Variants in SAMD9L observed in about 807,000 individuals in gnomAD.
The protein encoded by SAMD9L is sterile alpha motif domain containing 9 like.
SAMD9L carries 68 observed loss-of-function variants against 90.7 expected under a neutral mutation model. The observed-to-expected ratio is 0.75, with a 90% CI of 0.62 to 0.92. The LOEUF (loss-of-function observed/expected upper bound fraction) is 0.92, where lower values mean the gene tolerates loss of function less well. Among genes scored for constraint, SAMD9L ranks in the 40% least tolerant of loss-of-function variants. The pLI is 0.00. For synonymous variants in SAMD9L, 640 were observed against 630.1 expected (o/e 1.02, Z -0.23); for missense variants, 1,604 against 1,824.3 (o/e 0.88, Z 2.20).
Position 93,135,795 on chromosome 7 carries a change from C to G in SAMD9L, c.177G>C (p.Gly59=). 6.2e-7 allele frequency: 1 copy of G among 1,613,968 alleles called. No individual in the cohort carries two copies. Among genetic ancestry groups the G allele is most frequent in the Non-Finnish European group, 8.5e-7 (1 of 1,179,932 alleles). ...ELTEKDLVEM[G]LPWGPALLIK... is the part of the protein sequence containing the mutation. ...TCAAAAGTGCTGGACCCCATGGTAG[C>G]CCCATTTCTACAAGGTCCTTCTCAG... Residue 59 remains glycine, a synonymous_variant, in exon 5 of 5, where the codon GGG becomes GGC. Transcript: ENST00000318238.
chr7:93,131,174 A>C lies in SAMD9L; in HGVS notation c.*43T>G. The C allele has an allele frequency of 1.8e-6, 2 of 1,129,910 alleles. No individual in the cohort carries two copies. The highest frequency in any genetic ancestry group is 2.5e-6 in the Non-Finnish European group (2 of 802,784). 70.0% of individuals were successfully genotyped at this position (1,129,910 alleles called of 1,614,324 possible). A position where few individuals can be genotyped will look rare whatever the true frequency, so the allele number is the denominator to read the frequency against. On this transcript the variant is annotated 3_prime_UTR_variant, in exon 5 of 5. Transcript: ENST00000318238. ...AATAGAGAGAGAGAATAAAATCATAAAGATATAAATAAACGTATTTGAACT... is the reference window on the plus strand; with the variant it reads ...AATAGAGAGAGAGAATAAAATCATACAGATATAAATAAACGTATTTGAACT...
In SAMD9L at chr7:93,132,742, C is replaced by T. The variant is rs1792187589; in HGVS notation, c.3230G>A (p.Arg1077Gln). 2.5e-6 allele frequency: 4 copies of T among 1,613,662 alleles called. No individual in the cohort carries two copies. The highest frequency in any genetic ancestry group is 1.1e-5 in the South Asian group (1 of 91,068). The change falls in exon 5 of 5, where the codon CGA becomes CAA. Residue 1077 changes from arginine (R) to glutamine (Q), a missense_variant. Coordinates refer to ENST00000318238, the MANE Select transcript of SAMD9L (RefSeq NM_152703.5). ...IEKVLSAGSR[R>Q]FPQNAFICQA... ...ACAAATGAATGCATTTTGTGGGAATCGTCTACTTCCTGCACTCAAGACCTT... is the reference window on the plus strand; with the variant it reads ...ACAAATGAATGCATTTTGTGGGAATTGTCTACTTCCTGCACTCAAGACCTT...
In SAMD9L at chr7:93,133,993, C is replaced by T. The variant is rs377186697; in HGVS notation, c.1979G>A (p.Cys660Tyr). ...EDVLTALEILCENECTETDIE... is the reference protein window; with the variant it reads ...EDVLTALEILYENECTETDIE... Reference sequence around the variant, plus strand: ...GTCTGTCTCTGTACACTCATTTTCACAGAGGATTTCCAGTGCAGTCAAGAC... The same window carrying T: ...GTCTGTCTCTGTACACTCATTTTCATAGAGGATTTCCAGTGCAGTCAAGAC... Residue 660 changes from cysteine to tyrosine, a missense_variant, in exon 5 of 5, where the codon TGT becomes TAT. Cys to Tyr is a radical substitution (Grantham distance 194). Transcript: ENST00000318238. 1 of 1,613,590 alleles carries T rather than the reference C, an allele frequency of 6.2e-7. No individual in the cohort carries two copies. Among genetic ancestry groups the T allele is most frequent in the African/African-American group, 1.3e-5 (1 of 74,886 alleles).
chr7:93,140,426 G>A (rs1445427105), intron 4 of SAMD9L, among the ~76,000 whole-genome samples: 2 of 152,150 alleles, frequency 1.3e-5, no homozygotes, highest in African/African-American at 4.8e-5. Context: ...CTGGACAATG[G>A]CCCTCCATAC....
chr7:93,131,963 C>T lies in SAMD9L; in HGVS notation c.4009G>A (p.Ala1337Thr), dbSNP rs745668698. Residue 1337 changes from alanine (A) to threonine (T), a missense_variant, in exon 5 of 5, where the codon GCA becomes ACA. Ala to Thr is a moderately conservative substitution (Grantham distance 58). Around this residue, in one of 7 missense-constraint regions of SAMD9L, gnomAD observed 282 missense variants for 329.6 expected, o/e 0.86. Coordinates refer to ENST00000318238, the MANE Select transcript of SAMD9L (RefSeq NM_152703.5). ...TCCAAGAGTCCAGCAAACCTATCTG[C>T]TCTCAGAGCTTCTAGCTTTTTCCTG... ...NCRKKLEALR[A>T]DRFAGLLEYL... 1.7e-5 allele frequency: 27 copies of T among 1,612,228 alleles called. No individual in the cohort carries two copies. In the South Asian group the frequency reaches 2.4e-4, roughly 15 times the overall value.
intron 4 of SAMD9L, among the ~76,000 whole-genome samples, chr7:93,139,308 A>G (rs1452816875): frequency 6.6e-6 from 1 of 152,178 alleles, no homozygotes; most frequent in Non-Finnish European, 1.5e-5. Flanking sequence ...GGATTGAATT[A>G]TATCGCGCCA....
chr7:93,133,064 G>A lies in SAMD9L; in HGVS notation c.2908C>T (p.Leu970Phe). 6.2e-7 allele frequency: 1 copy of A among 1,613,610 alleles called. No individual in the cohort carries two copies. Among genetic ancestry groups the A allele is most frequent in the Non-Finnish European group, 8.5e-7 (1 of 1,179,704 alleles). Reference protein sequence around the residue: ...LEDKMGTYSTLLIKTEVAEYG... With the variant: ...LEDKMGTYSTFLIKTEVAEYG... Reference sequence around the variant, plus strand: ...TCTGCAACTTCTGTTTTTATTAGAAGTGTAGAATAAGTTCCCATCTTGTCT... The same window carrying A: ...TCTGCAACTTCTGTTTTTATTAGAAATGTAGAATAAGTTCCCATCTTGTCT... Residue 970 changes from leucine (L) to phenylalanine (F), a missense_variant, in exon 5 of 5, where the codon CTT becomes TTT. Transcript: ENST00000318238.
chr7:93,134,791 T>G lies in SAMD9L; in HGVS notation c.1181A>C (p.Glu394Ala). Residue 394 changes from glutamate (E) to alanine (A), a missense_variant, in exon 5 of 5, where the codon GAA (glutamate) becomes GCA (alanine). Coordinates refer to ENST00000318238, the MANE Select transcript of SAMD9L (RefSeq NM_152703.5). The stretch of plus-strand genomic sequence containing the variant: ...GAGAAGTTTAACCAGCTTTAGTCCT[T>G]CACTCTCCTTCTTCATTGCCTTCAT... Reference protein sequence around the residue: ...YGMKAMKKESEGLKLVKLLIG... With the variant: ...YGMKAMKKESAGLKLVKLLIG... The G allele has an allele frequency of 6.2e-7, 1 of 1,613,430 alleles. No individual in the cohort carries two copies. The highest frequency in any genetic ancestry group is 8.5e-7 in the Non-Finnish European group (1 of 1,179,900).
At chr7:93,140,326 C>T (rs935737999) in intron 4 of SAMD9L, among the ~76,000 whole-genome samples, 4 of 151,438 alleles carry the variant, frequency 2.6e-5, no homozygotes, top group Non-Finnish European at 4.4e-5. Flanking sequence ...ACCCTCCACA[C>T]CCTAACTGGA....
Position 93,132,960 on chromosome 7 carries a change from A to G in SAMD9L, c.3012T>C (p.Tyr1004=). 4 of 1,613,532 alleles carry G rather than the reference A, an allele frequency of 2.5e-6. No individual in the cohort carries two copies. Among genetic ancestry groups the G allele is most frequent in the Non-Finnish European group, 3.4e-6 (4 of 1,179,700 alleles). The stretch of plus-strand genomic sequence containing the variant: ...ATGCAATTTGACATTTATCCAAGTG[A>G]TAGCTTCTTTCCAGTTCTTTTAGAC... ...LYCLKELERS[Y]HLDKCQIALN... The change falls in exon 5 of 5, where the codon TAT becomes TAC. Residue 1004 remains tyrosine (Y), a synonymous_variant. Coordinates refer to ENST00000318238, the MANE Select transcript of SAMD9L (RefSeq NM_152703.5).
chr7:93,138,255 C>T (rs570079757), intron 4 of SAMD9L, among the ~76,000 whole-genome samples: 6 of 152,156 alleles, frequency 3.9e-5, no homozygotes, highest in African/African-American at 1.2e-4. Flanking sequence ...TTGTAACTAG[C>T]GATAAGTGTT....
rs1258256090 is a variant in SAMD9L, at chr7:93,131,645, G to C, written c.4327C>G (p.Gln1443Glu). Residue 1443 changes from glutamine (Q) to glutamate (E), a missense_variant, in exon 5 of 5, where the codon CAA becomes GAA. By Grantham distance (29) the Gln-to-Glu change is conservative. Coordinates refer to ENST00000318238, the MANE Select transcript of SAMD9L (RefSeq NM_152703.5). ...LFWPENQELD[Q>E]DSKLIEKYVS... is the part of the protein sequence containing the mutation. ...TACTTTTCTATTAGTTTGGAATCTT[G>C]ATCTAGCTCTTGATTTTCTGGCCAG... 1.9e-6 allele frequency: 3 copies of C among 1,613,724 alleles called. No homozygotes were observed. Among genetic ancestry groups the C allele is most frequent in the Non-Finnish European group, 2.5e-6 (3 of 1,179,888 alleles).
Position 93,134,778 on chromosome 7 carries a change from C to CTCTCATAGGAGAGGTTTA in SAMD9L, c.1193_1194insTAAACCTCTCCTATGAGA (p.Leu398_Val399insLysProLeuLeuTer), listed in dbSNP as rs1792339875. ...CTCGGTTTCCTATGAGAAGTTTAAC[C>CTCTCATAGGAGAGGTTTA]AGCTTTAGTCCTTCACTCTCCTTCT... On this transcript the variant is annotated stop_gained and inframe_insertion, in exon 5 of 5. Transcript: ENST00000318238. LOFTEE classifies it low-confidence loss of function (END_TRUNC). The CTCTCATAGGAGAGGTTTA allele has an allele frequency of 6.2e-7, 1 of 1,613,244 alleles. No homozygotes were observed. The highest frequency in any genetic ancestry group is 8.5e-7 in the Non-Finnish European group (1 of 1,179,908).
Position 93,134,542 on chromosome 7 carries a change from G to A in SAMD9L, c.1430C>T (p.Thr477Ile). The A allele has an allele frequency of 6.2e-7, 1 of 1,613,924 alleles. No individual in the cohort carries two copies. Among genetic ancestry groups the A allele is most frequent in the East Asian group, 2.2e-5 (1 of 44,880 alleles). The stretch of plus-strand genomic sequence containing the variant: ...AGAAATCTTCTCCCACATGTTAGTT[G>A]TCTTGTCTTCATATTGATTTGGAAA... ...LHFPNQYEDKTTNMWEKISTL... is the reference protein window; with the variant it reads ...LHFPNQYEDKITNMWEKISTL... Residue 477 changes from threonine (T) to isoleucine (I), a missense_variant, in exon 5 of 5, where the codon ACA (threonine) becomes ATA (isoleucine). Thr to Ile is a moderately conservative substitution (Grantham distance 89, BLOSUM62 -1). Transcript: ENST00000318238.
rs755831687 is a variant in SAMD9L, at chr7:93,134,794, C to A, written c.1178G>T (p.Ser393Ile). ...EYGMKAMKKE[S>I]EGLKLVKLLI... Reference sequence around the variant, plus strand: ...AAGTTTAACCAGCTTTAGTCCTTCACTCTCCTTCTTCATTGCCTTCATTCC... The same window carrying A: ...AAGTTTAACCAGCTTTAGTCCTTCAATCTCCTTCTTCATTGCCTTCATTCC... The change falls in exon 5 of 5, where the codon AGT (serine) becomes ATT (isoleucine). Residue 393 changes from serine (S) to isoleucine (I), a missense_variant. By Grantham distance (142) the Ser-to-Ile change is moderately radical (BLOSUM62 -2). This residue lies in a region of SAMD9L where 606 missense variants were observed against 717.6 expected (regional missense o/e 0.84). Transcript: ENST00000318238. The A allele has an allele frequency of 4.3e-6, 7 of 1,613,208 alleles. No individual in the cohort carries two copies. The African/African-American group carries it at 9.3e-5, about 22-fold the overall frequency.
At position 93,140,813 on chromosome 7, in the gene SAMD9L, T is replaced by G. The variant is rs531006099; in HGVS notation, c.-21+3919A>C. Among the ~76,000 whole-genome samples, 4 of 152,388 alleles carry G rather than the reference T, an allele frequency of 2.6e-5. No homozygotes were observed. In the East Asian group the frequency reaches 7.7e-4, roughly 29 times the overall value. ...CATCCCTCTCACCTATTCAGGAAGT[T>G]GCTCCAGAAAGTGTCCCCACTCTAT... On this transcript the variant is annotated intron_variant, in intron 4 of 4. Coordinates refer to ENST00000318238, the MANE Select transcript of SAMD9L (RefSeq NM_152703.5).
In SAMD9L at chr7:93,134,009, C is replaced by T. The variant is rs758495449; in HGVS notation, c.1963G>A (p.Ala655Thr). 2.5e-6 allele frequency: 4 copies of T among 1,613,734 alleles called. No homozygotes were observed. The East Asian group carries it at 6.7e-5, about 27-fold the overall frequency. ...TCATTTTCACAGAGGATTTCCAGTG[C>T]AGTCAAGACATCCTCTTTCTTTTTC... ...LEKKKEDVLT[A>T]LEILCENECT... The change falls in exon 5 of 5, where the codon GCA (alanine) becomes ACA (threonine). Residue 655 changes from alanine to threonine, a missense_variant. Transcript: ENST00000318238.
intron 4 of SAMD9L, among the ~76,000 whole-genome samples, chr7:93,141,571 T>C (rs1042615794): frequency 6.6e-6 from 1 of 152,226 alleles, no homozygotes; most frequent in Non-Finnish European, 1.5e-5. Context: ...TGGCAGCATT[T>C]TTTACTGCTT....
chr7:93,139,859 C>A (rs1263162641), intron 4 of SAMD9L, among the ~76,000 whole-genome samples: 3 of 152,188 alleles, frequency 2.0e-5, no homozygotes, highest in Non-Finnish European at 4.4e-5. Context: ...TATTTCTTTA[C>A]CACCAACACC....
Sources: allele counts gnomAD v4.1 joint callset (sites outside exome capture counted in the v4.1 genomes callset), GRCh38; gene constraint gnomAD v4.1.1; regional missense constraint gnomAD v4.1.1; transcripts MANE v1.5; gene names NCBI Gene and HGNC (gene_info 2026-07-23, HGNC 2026-07-21).